The following UMAD1 variants were observed in gnomAD, a reference collection of about 807,000 sequenced individuals.
The protein encoded by UMAD1 is UBAP1-MVB12-associated (UMA) domain containing 1.
UMAD1 carries 8 observed loss-of-function variants against 6.1 expected under a neutral mutation model. The ratio of observed to expected loss-of-function variants is 1.30; its 90% CI spans 0.76 to 2.35. The LOEUF is 2.35. UMAD1 is among the 30% of genes most tolerant of loss of function. The pLI, the probability that UMAD1 is intolerant of heterozygous loss-of-function variation, is 0.00. For synonymous variants in UMAD1, 56 were observed against 31.4 expected (o/e 1.78, Z -2.61); for missense variants, 130 against 78.4 (o/e 1.66, Z -2.49).
intron 1 of UMAD1, among the ~76,000 whole-genome samples, chr7:7,667,476 T>C (rs971098375): frequency 6.6e-6 from 1 of 152,192 alleles, no homozygotes; most frequent in South Asian, 2.1e-4. Context: ...CTCTTAATTC[T>C]GCTAAGGATT....
intron 1 of UMAD1, among the ~76,000 whole-genome samples, chr7:7,661,357 A>G (rs1208562735): frequency 6.6e-6 from 1 of 152,060 alleles, no homozygotes; most frequent in Non-Finnish European, 1.5e-5. Context: ...CTTGCTGCTG[A>G]GGAGTTATGA....
At chr7:7,785,537 G>A (rs1267691120) in intron 2 of UMAD1, among the ~76,000 whole-genome samples, 1 of 152,236 alleles carries the variant, frequency 6.6e-6, no homozygotes, top group African/African-American at 2.4e-5. Context: ...TAAAATAATT[G>A]TGGGATGGGG....
At chr7:7,829,610 A>C (rs1014439009) in intron 3 of UMAD1, among the ~76,000 whole-genome samples, 1 of 152,204 alleles carries the variant, frequency 6.6e-6, no homozygotes, top group Non-Finnish European at 1.5e-5. Context: ...CTGAAATAGC[A>C]CTTTATATTT....
intron 2 of UMAD1, among the ~76,000 whole-genome samples, chr7:7,723,194 T>G (rs1251916467): frequency 6.6e-6 from 1 of 152,168 alleles, no homozygotes; most frequent in Non-Finnish European, 1.5e-5. Flanking sequence ...GTGCTACACT[T>G]GAGAAGAACT....
rs146903456 is a variant in UMAD1 at position 7,812,136 on chromosome 7, T to C, written c.156+10393T>C. Among the ~76,000 whole-genome samples, 34 of 152,332 alleles carry C rather than the reference T, an allele frequency of 2.2e-4. No homozygotes were observed. In the East Asian group the frequency reaches 6.4e-3, roughly 28 times the overall value. On this transcript the variant is annotated intron_variant, in intron 3 of 3. Transcript: ENST00000682710. The stretch of plus-strand genomic sequence containing the variant: ...ATAATTCTGGTGCTTTCTTCTGGCT[T>C]GCATTGGGGTTAACTAGCACACTGA...
At chr7:7,728,567 C>T (rs1484532312) in intron 2 of UMAD1, among the ~76,000 whole-genome samples, 2 of 151,794 alleles carry the variant, frequency 1.3e-5, no homozygotes, top group Non-Finnish European at 2.9e-5. Flanking sequence ...TCACTTGAAC[C>T]CGGGAGGCGG....
intron 3 of UMAD1, among the ~76,000 whole-genome samples, chr7:7,847,104 AATAT>A (rs1170307529): frequency 5.5e-3 from 36 of 6,516 alleles, no homozygotes; most frequent in South Asian, 0.016. Context: ...AAAAAAAAAA[AATAT>A]ATATATATAT....
At chr7:7,741,469 C>T (rs185425293) in intron 2 of UMAD1, among the ~76,000 whole-genome samples, 89 of 151,302 alleles carry the variant, frequency 5.9e-4, no homozygotes, top group African/African-American at 2.1e-3. Context: ...CCCAGCCACC[C>T]GGGAGGCTGA....
rs1183679127 is a variant in UMAD1, at chr7:7,873,681, G to A, written c.157-3600G>A. Among the ~76,000 whole-genome samples the A allele has an allele frequency of 5.3e-5, 8 of 151,996 alleles. No homozygotes were observed. The South Asian group carries it at 1.2e-3, about 24-fold the overall frequency. Reference sequence around the variant, plus strand: ...CATCCACTAAAAAATATTTCTTGATGGCCTCTGTTTTAGGTATTGGAGATG... The same window carrying A: ...CATCCACTAAAAAATATTTCTTGATAGCCTCTGTTTTAGGTATTGGAGATG... On this transcript the variant is annotated intron_variant, in intron 3 of 3. Coordinates refer to ENST00000682710, the MANE Select transcript of UMAD1 (RefSeq NM_001302348.2).
At chr7:7,756,432 A>G (rs1199377119) in intron 2 of UMAD1, among the ~76,000 whole-genome samples, 1 of 152,244 alleles carries the variant, frequency 6.6e-6, no homozygotes, top group Non-Finnish European at 1.5e-5. Context: ...ACATATAACC[A>G]AACAGTCCAT....
At chr7:7,760,393 A>C (rs1781861566) in intron 2 of UMAD1, among the ~76,000 whole-genome samples, 1 of 134,612 alleles carries the variant, frequency 7.4e-6, no homozygotes, top group Admixed American at 7.7e-5. Context: ...TGTCTCTACT[A>C]AAAATACAAA....
intron 2 of UMAD1, among the ~76,000 whole-genome samples, chr7:7,772,923 T>C (rs112378339): frequency 1.0e-4 from 15 of 147,296 alleles, no homozygotes; most frequent in Non-Finnish European, 2.0e-4. Context: ...AAGAGGGGTT[T>C]CCCCTTAAAT....
Position 7,757,863 on chromosome 7 carries a change from C to T in UMAD1, c.83-43807C>T, listed in dbSNP as rs372869418. 3.3e-5 allele frequency among the ~76,000 whole-genome samples: 5 copies of T among 152,092 alleles called. 1 individual carries two copies. In the East Asian group the frequency reaches 7.7e-4, roughly 23 times the overall value. On this transcript the variant is annotated intron_variant, in intron 2 of 3. Transcript: ENST00000682710. Reference sequence around the variant, plus strand: ...CTTAGTTATGCTGTTGGTTCCACTCCCGCCACCATTCCAGAGGCCGCAGCA... The same window carrying T: ...CTTAGTTATGCTGTTGGTTCCACTCTCGCCACCATTCCAGAGGCCGCAGCA...
intron 2 of UMAD1, among the ~76,000 whole-genome samples, chr7:7,738,230 A>T (rs1415750285): frequency 1.3e-5 from 2 of 152,152 alleles, no homozygotes; most frequent in African/African-American, 2.4e-5. Context: ...ATTTTGTAAA[A>T]TTTTTTCCAG....
At chr7:7,833,382 C>T (rs61500839) in intron 3 of UMAD1, among the ~76,000 whole-genome samples, 8,315 of 152,096 alleles carry the variant, frequency 0.055, 483 homozygotes, top group African/African-American at 0.14. Flanking sequence ...TTCTTGATAT[C>T]GGCAACTATC....
At chr7:7,866,405 G>C (rs547753931) in intron 3 of UMAD1, among the ~76,000 whole-genome samples, 1 of 152,298 alleles carries the variant, frequency 6.6e-6, no homozygotes, top group African/African-American at 2.4e-5. Flanking sequence ...CACAGGGATG[G>C]TTACTTGGCC....
chr7:7,710,421 C>T (rs1050218809), intron 2 of UMAD1, among the ~76,000 whole-genome samples: 1 of 152,216 alleles, frequency 6.6e-6, no homozygotes, highest in South Asian at 2.1e-4. Context: ...CATGAAGAGA[C>T]ATTTCACTGA....
intron 1 of UMAD1, among the ~76,000 whole-genome samples, chr7:7,672,176 C>G (rs771064386): frequency 2.0e-5 from 3 of 152,164 alleles, no homozygotes; most frequent in African/African-American, 7.2e-5. Context: ...GGAGCACTTG[C>G]TGCCACCAGG....
rs1256685114 is a variant in UMAD1, at chr7:7,877,506, A to G, written c.382A>G (p.Thr128Ala). The G allele has an allele frequency of 1.4e-6, 1 of 717,422 alleles. No homozygotes were observed. The highest frequency in any genetic ancestry group is 2.3e-4 in the Middle Eastern group (1 of 4,372). 44.4% of individuals were successfully genotyped at this position (717,422 alleles called of 1,614,324 possible). The change falls in exon 4 of 4, where the codon ACT (threonine) becomes GCT (alanine). Residue 128 changes from threonine (T) to alanine (A), a missense_variant. Coordinates refer to ENST00000682710, the MANE Select transcript of UMAD1 (RefSeq NM_001302348.2). ...ENLSRFWYDF[T>A]LENSVLCDS is the part of the protein sequence containing the mutation. ...CTTATCACGGTTTTGGTATGATTTCACTCTTGAAAATTCAGTGCTCTGTGA... is the reference window on the plus strand; with the variant it reads ...CTTATCACGGTTTTGGTATGATTTCGCTCTTGAAAATTCAGTGCTCTGTGA...
Sources: allele counts gnomAD v4.1 joint callset (sites outside exome capture counted in the v4.1 genomes callset), GRCh38; gene constraint gnomAD v4.1.1; transcripts MANE v1.5; gene names NCBI Gene and HGNC (gene_info 2026-07-23, HGNC 2026-07-21).